The following FAM3C variants were observed in gnomAD, a reference collection of about 807,000 sequenced individuals.
The protein encoded by FAM3C is protein FAM3C.
A neutral mutation model predicts 32.5 loss-of-function variants in FAM3C; 15 were observed. That is an observed-to-expected ratio of 0.46 (90% CI 0.31 to 0.71). FAM3C has a LOEUF of 0.71. FAM3C is among the 30% of genes least tolerant of loss of function. The pLI, the probability that FAM3C is intolerant of heterozygous loss-of-function variation, is 0.05. For synonymous variants in FAM3C, 75 were observed against 86.1 expected (o/e 0.87, Z 0.72); for missense variants, 175 against 274.4 (o/e 0.64, Z 2.56).
intron 1 of FAM3C, among the ~76,000 whole-genome samples, chr7:121,388,850 C>A (rs1203744902): frequency 3.3e-5 from 5 of 152,068 alleles, no homozygotes; most frequent in African/African-American, 1.2e-4. Context: ...AGAATGTTAA[C>A]CAATGCCAGA....
chr7:121,383,083 T>A (rs971018045), intron 1 of FAM3C, 73 bp from the exon 2 acceptor site: 41 of 775,718 alleles, frequency 5.3e-5, no homozygotes, highest in Non-Finnish European at 8.2e-5. Context: ...GAGTTTGAAA[T>A]GGGGCATATA....
At chr7:121,371,471 G>C (rs781277931) in intron 4 of FAM3C, 48 bp from the exon 5 acceptor site, 1 of 1,589,926 alleles carries the variant, frequency 6.3e-7, no homozygotes. Flanking sequence ...CAAGTTAACA[G>C]ACTTTACCTC....
At chr7:121,358,832 C>A (rs1793865668) in intron 8 of FAM3C, among the ~76,000 whole-genome samples, 1 of 151,828 alleles carries the variant, frequency 6.6e-6, no homozygotes, top group Non-Finnish European at 1.5e-5. Context: ...AAAAAGCACC[C>A]TACACTAACA....
At chr7:121,360,544 T>C (rs1793898294) in intron 7 of FAM3C, among the ~76,000 whole-genome samples, 1 of 152,108 alleles carries the variant, frequency 6.6e-6, no homozygotes, top group South Asian at 2.1e-4. Context: ...GTATGTAAAA[T>C]TGTATGGGCT....
At chr7:121,368,025 T>G (rs1794058624) in intron 5 of FAM3C, among the ~76,000 whole-genome samples, 1 of 151,870 alleles carries the variant, frequency 6.6e-6, no homozygotes, top group African/African-American at 2.4e-5. Flanking sequence ...GCAATTACTG[T>G]TTTTCCTGAG....
At position 121,394,245 on chromosome 7, in the gene FAM3C, C is replaced by A. The variant is rs558388888; in HGVS notation, c.-42+1917G>T. Among the ~76,000 whole-genome samples the A allele has an allele frequency of 9.1e-4, 139 of 152,252 alleles. 1 individual carries two copies. The highest frequency in any genetic ancestry group is 3.2e-3 in the African/African-American group (133 of 41,556). Reference sequence around the variant, plus strand: ...GAAAATATATGAGTCTTCTGATACCCCCTCAGGGAACATTACTTTTTGCCA... The same window carrying A: ...GAAAATATATGAGTCTTCTGATACCACCTCAGGGAACATTACTTTTTGCCA... On this transcript the variant is annotated intron_variant, in intron 1 of 9. Transcript: ENST00000359943.
Position 121,393,762 on chromosome 7 carries a change from G to A in FAM3C, c.-42+2400C>T, listed in dbSNP as rs573818425. Among the ~76,000 whole-genome samples, 5 of 152,252 alleles carry A rather than the reference G, an allele frequency of 3.3e-5. No homozygotes were observed. In the East Asian group the frequency reaches 9.6e-4, roughly 29 times the overall value. On this transcript the variant is annotated intron_variant, in intron 1 of 9. Transcript: ENST00000359943. The stretch of plus-strand genomic sequence containing the variant: ...AACCTTTTAAAAGTTCAAAGATTTT[G>A]GGAAATTACCTGGTTCAGTCTACTC...
At chr7:121,370,807 A>G (rs1019573188) in intron 5 of FAM3C, among the ~76,000 whole-genome samples, 3 of 152,200 alleles carry the variant, frequency 2.0e-5, no homozygotes, top group African/African-American at 4.8e-5. Context: ...GAACACATTC[A>G]TTGTCCAGGG....
chr7:121,361,540 CTCTT>C (rs551566873), intron 7 of FAM3C, among the ~76,000 whole-genome samples: 81 of 152,310 alleles, frequency 5.3e-4, no homozygotes, highest in African/African-American at 1.7e-3. Context: ...CTTTGTAAGA[CTCTT>C]TCTATCAATA....
intron 8 of FAM3C, among the ~76,000 whole-genome samples, chr7:121,357,135 G>C (rs184130817): frequency 6.6e-6 from 1 of 152,244 alleles, no homozygotes; most frequent in African/African-American, 2.4e-5. Flanking sequence ...TAATGTGATG[G>C]AGATCAGTCC....
intron 5 of FAM3C, among the ~76,000 whole-genome samples, chr7:121,370,453 T>C (rs1794122580): frequency 6.6e-6 from 1 of 152,186 alleles, no homozygotes; most frequent in Non-Finnish European, 1.5e-5. Flanking sequence ...AAATTATCTC[T>C]TTATTCTATA....
intron 8 of FAM3C, among the ~76,000 whole-genome samples, chr7:121,359,521 G>A (rs1793879363): frequency 6.6e-6 from 1 of 152,036 alleles, no homozygotes. Context: ...ACACTGGGTA[G>A]TGAGATGGAC....
At chr7:121,394,074 A>C (rs1226157791) in intron 1 of FAM3C, among the ~76,000 whole-genome samples, 2 of 152,276 alleles carry the variant, frequency 1.3e-5, no homozygotes, top group African/African-American at 4.8e-5. Context: ...TTTAGAGAAA[A>C]TAAAGTAGCT....
chr7:121,380,704 A>G (rs1794331423), intron 2 of FAM3C, among the ~76,000 whole-genome samples: 1 of 148,602 alleles, frequency 6.7e-6, no homozygotes, highest in African/African-American at 2.5e-5. Context: ...TTGAGCCTAA[A>G]AGTTTTAAAA....
chr7:121,360,216 T>C, intron 7 of FAM3C, 89 bp from the exon 8 acceptor site: 1 of 724,962 alleles, frequency 1.4e-6, no homozygotes, highest in Admixed American at 2.1e-5. Context: ...AAACATGAAG[T>C]ATCTGTAAAG....
intron 3 of FAM3C, among the ~76,000 whole-genome samples, chr7:121,374,240 T>C (rs998764628): frequency 3.3e-5 from 5 of 152,156 alleles, no homozygotes; most frequent in African/African-American, 9.6e-5. Flanking sequence ...GTATGCACCA[T>C]CTCTCTGTAT....
At chr7:121,395,331 G>A (rs1794667011) in intron 1 of FAM3C, among the ~76,000 whole-genome samples, 1 of 149,666 alleles carries the variant, frequency 6.7e-6, no homozygotes, top group South Asian at 2.1e-4. Context: ...ATATATATAT[G>A]GATACATACA....
intron 8 of FAM3C, among the ~76,000 whole-genome samples, chr7:121,358,024 G>C (rs1562883796): frequency 7.2e-6 from 1 of 138,840 alleles, no homozygotes. Flanking sequence ...CTCAGCAAAA[G>C]CAAATAGCAA....
At chr7:121,379,068 T>C in intron 2 of FAM3C, 54 bp from the exon 3 acceptor site, 1 of 947,274 alleles carries the variant, frequency 1.1e-6, no homozygotes, top group Non-Finnish European at 1.6e-6. Flanking sequence ...AACTTTTATT[T>C]TGCATTTCTA....
Sources: gnomAD v4.1 joint callset for allele counts (sites outside exome capture counted in the v4.1 genomes callset) on GRCh38, gnomAD v4.1.1 for gene constraint, MANE v1.5 for transcripts, NCBI Gene and HGNC (gene_info 2026-07-23, HGNC 2026-07-21) for gene names.